Variants in CATSPERT observed in about 807,000 individuals in gnomAD.
The protein encoded by CATSPERT is cation channel sperm-associated targeting subunit tau.
chr2:201,612,826 C>G, the CATSPERT span, among the ~76,000 whole-genome samples: 4 of 152,232 alleles, frequency 2.6e-5, no homozygotes, highest in East Asian at 7.7e-4. Flanking sequence ...ACAGACGGCA[C>G]CTGGAAAATC....
chr2:201,581,473 C>T, the CATSPERT span, among the ~76,000 whole-genome samples: 1 of 45,936 alleles, frequency 2.2e-5, no homozygotes, highest in Non-Finnish European at 4.2e-5. Flanking sequence ...CACACACATT[C>T]CGGAATATAT....
chr2:201,617,703 C>A, the CATSPERT span, among the ~76,000 whole-genome samples: 1 of 152,092 alleles, frequency 6.6e-6, no homozygotes, highest in African/African-American at 2.4e-5. Context: ...CCAAAATCGA[C>A]AAATGGGATC....
chr2:201,500,311 G>A, the CATSPERT span, among the ~76,000 whole-genome samples: 3 of 151,858 alleles, frequency 2.0e-5, no homozygotes, highest in Non-Finnish European at 4.4e-5. Flanking sequence ...TCAGGAGATC[G>A]AGACCATCCT....
the CATSPERT span, chr2:201,487,944 C>T: frequency 6.7e-7 from 1 of 1,488,578 alleles, no homozygotes; most frequent in Non-Finnish European, 9.0e-7. Flanking sequence ...AATTAGGTTT[C>T]TTAAAAGTAG....
At chr2:201,581,591 T>TATAC in the CATSPERT span, among the ~76,000 whole-genome samples, 59 of 45,334 alleles carry the variant, frequency 1.3e-3, no homozygotes, top group Non-Finnish European at 1.8e-3. Context: ...TATATATATA[T>TATAC]ATACACATAC....
the CATSPERT span, among the ~76,000 whole-genome samples, chr2:201,595,217 G>A: frequency 7.0e-6 from 1 of 142,334 alleles, no homozygotes; most frequent in Non-Finnish European, 1.5e-5. Flanking sequence ...TTGAGACGGA[G>A]TCTCACTGTC....
chr2:201,508,236 T>G, the CATSPERT span, among the ~76,000 whole-genome samples: 1 of 152,186 alleles, frequency 6.6e-6, no homozygotes, highest in Non-Finnish European at 1.5e-5. Flanking sequence ...TTATGTAAAC[T>G]GAGAGAACTA....
At chr2:201,526,154 C>T in the CATSPERT span, among the ~76,000 whole-genome samples, 1 of 151,980 alleles carries the variant, frequency 6.6e-6, no homozygotes, top group African/African-American at 2.4e-5. Context: ...CTAGCAGAGA[C>T]ACAACAACAA....
chr2:201,540,494 C>T, the CATSPERT span, among the ~76,000 whole-genome samples: 1 of 152,266 alleles, frequency 6.6e-6, no homozygotes, highest in Admixed American at 6.5e-5. Flanking sequence ...AATCCCAGGG[C>T]CCTTAACATT....
the CATSPERT span, chr2:201,492,363 C>T: frequency 2.0e-6 from 3 of 1,534,890 alleles, no homozygotes; most frequent in Middle Eastern, 3.3e-4. Context: ...TAAAAAGACT[C>T]TGGAGGTGTT....
the CATSPERT span, among the ~76,000 whole-genome samples, chr2:201,570,636 T>G: frequency 1.3e-5 from 2 of 152,180 alleles, no homozygotes; most frequent in African/African-American, 4.8e-5. Flanking sequence ...TGTGAGCCCA[T>G]GCAGTCTGGC....
chr2:201,515,988 G>A, the CATSPERT span, among the ~76,000 whole-genome samples: 1 of 152,338 alleles, frequency 6.6e-6, no homozygotes, highest in African/African-American at 2.4e-5. Context: ...AATACACTGA[G>A]AAACGTGTTA....
the CATSPERT span, among the ~76,000 whole-genome samples, chr2:201,575,521 T>TG: frequency 6.6e-6 from 1 of 152,096 alleles, no homozygotes; most frequent in Non-Finnish European, 1.5e-5. Context: ...CCACTTCTCA[T>TG]CACTCACATT....
At chr2:201,493,662 A>G in the CATSPERT span, 2 of 1,536,952 alleles carry the variant, frequency 1.3e-6, no homozygotes, top group African/African-American at 2.7e-5. Flanking sequence ...TAGGTAATTG[A>G]TTTTCCAAGT....
the CATSPERT span, among the ~76,000 whole-genome samples, chr2:201,505,010 T>C: frequency 1.3e-5 from 2 of 152,224 alleles, no homozygotes; most frequent in Non-Finnish European, 2.9e-5. Context: ...TATCCAGTTC[T>C]CCTTCATTTC....
chr2:201,499,626 G>A, the CATSPERT span, among the ~76,000 whole-genome samples: 1 of 151,894 alleles, frequency 6.6e-6, no homozygotes, highest in African/African-American at 2.4e-5. Flanking sequence ...TTGAGTCCAG[G>A]AGTTTGAGAT....
At chr2:201,558,223 C>T in the CATSPERT span, 1 of 152,200 alleles carries the variant, frequency 6.6e-6, no homozygotes, top group Non-Finnish European at 1.5e-5. Flanking sequence ...TGTTTAACAA[C>T]TGGTAGCATT....
chr2:201,544,543 TCACA>T, the CATSPERT span, among the ~76,000 whole-genome samples: 22 of 150,488 alleles, frequency 1.5e-4, no homozygotes, highest in Admixed American at 8.0e-4. Flanking sequence ...ACTTTCTTTT[TCACA>T]CACACACACA....
chr2:201,601,864 T>A, the CATSPERT span: 6 of 1,602,382 alleles, frequency 3.7e-6, no homozygotes, highest in Non-Finnish European at 5.1e-6. Context: ...ATGAATAAAT[T>A]AGCATAATGT....
Sources: gnomAD v4.1 joint callset for allele counts (sites outside exome capture counted in the v4.1 genomes callset) on GRCh38, gnomAD v4.1.1 for gene constraint, MANE v1.5 for transcripts, NCBI Gene and HGNC (gene_info 2026-07-23, HGNC 2026-07-21) for gene names.